VAV3: variants seen among roughly 807,000 people sequenced by gnomAD.
The protein encoded by VAV3 is vav guanine nucleotide exchange factor 3, also known as guanine nucleotide exchange factor VAV3.
In VAV3, 94 loss-of-function variants were observed where a neutral mutation model predicts 131.2. The ratio of observed to expected loss-of-function variants is 0.72; its 90% CI spans 0.61 to 0.85. VAV3 has a LOEUF of 0.85. VAV3 is among the 40% of genes least tolerant of loss of function. The pLI is 0.00. For synonymous variants in VAV3, 349 were observed against 342.0 expected, an observed-to-expected ratio of 1.02 and a Z score of -0.22; for missense variants, 939 against 1,002.7, an observed-to-expected ratio of 0.94 and a Z score of 0.86.
At chr1:107,925,355 T>C (rs1367913106) in intron 1 of VAV3, among the ~76,000 whole-genome samples, 3 of 152,194 alleles carry the variant, frequency 2.0e-5, no homozygotes, top group African/African-American at 7.2e-5. Flanking sequence ...TACACTTTAA[T>C]TTAAAAGTTG....
intron 2 of VAV3, among the ~76,000 whole-genome samples, chr1:107,841,617 G>C (rs906295479): frequency 1.1e-4 from 16 of 152,102 alleles, no homozygotes; most frequent in Admixed American, 1.0e-3. Context: ...GCATTAGATA[G>C]GGCACACTTT....
intron 2 of VAV3, among the ~76,000 whole-genome samples, chr1:107,815,145 G>A (rs1667512119): frequency 6.6e-6 from 1 of 152,174 alleles, no homozygotes; most frequent in Non-Finnish European, 1.5e-5. Flanking sequence ...CTGTGTATCT[G>A]AATCACCTTC....
In VAV3 at chr1:107,734,321, G is replaced by A. The variant is rs576558417; in HGVS notation, c.1502+14647C>T. ...CACCAACTAACGGGCAAAATAACCAGCTAACCTCATAATGACAGATCAAAT... is the reference window on the plus strand; with the variant it reads ...CACCAACTAACGGGCAAAATAACCAACTAACCTCATAATGACAGATCAAAT... On this transcript the variant is annotated intron_variant, in intron 15 of 26. Transcript: ENST00000370056. Among the ~76,000 whole-genome samples, 228 of 152,272 alleles carry A rather than the reference G, an allele frequency of 1.5e-3. 1 individual carries two copies. The highest frequency in any genetic ancestry group is 2.4e-3 in the Admixed American group (36 of 15,286).
chr1:107,907,216 T>C (rs941129383), intron 1 of VAV3, among the ~76,000 whole-genome samples: 16 of 152,198 alleles, frequency 1.1e-4, no homozygotes, highest in African/African-American at 3.9e-4. Flanking sequence ...TAAATGGTCA[T>C]ATACAAAGTT....
At chr1:107,911,082 T>C (rs1471205398) in intron 1 of VAV3, among the ~76,000 whole-genome samples, 1 of 152,178 alleles carries the variant, frequency 6.6e-6, no homozygotes, top group Admixed American at 6.5e-5. Flanking sequence ...ACTCAATTGC[T>C]TATTATCCTA....
chr1:107,772,608 T>A (rs1336238011), intron 5 of VAV3, 127 bp downstream of exon 5: 2 of 715,780 alleles, frequency 2.8e-6, no homozygotes, highest in Non-Finnish European at 4.5e-6. Flanking sequence ...TAACAAGTCA[T>A]AATTATATAG....
chr1:107,702,500 G>A (rs973012334), intron 17 of VAV3, among the ~76,000 whole-genome samples: 1 of 152,038 alleles, frequency 6.6e-6, no homozygotes, highest in African/African-American at 2.4e-5. Flanking sequence ...AACAGACCAA[G>A]ACTCCAGAGC....
At chr1:107,669,669 G>A (rs1310877432) in intron 19 of VAV3, among the ~76,000 whole-genome samples, 2 of 152,046 alleles carry the variant, frequency 1.3e-5, no homozygotes, top group Non-Finnish European at 2.9e-5. Flanking sequence ...TTTCCAGCAT[G>A]AGGTTTACAT....
chr1:107,910,051 A>T (rs916972380), intron 1 of VAV3, among the ~76,000 whole-genome samples: 1 of 152,220 alleles, frequency 6.6e-6, no homozygotes, highest in Non-Finnish European at 1.5e-5. Context: ...ACACTGCATG[A>T]ATTCTTCATT....
chr1:107,601,214 C>G (rs1228777532), intron 24 of VAV3, among the ~76,000 whole-genome samples: 2 of 152,152 alleles, frequency 1.3e-5, no homozygotes, highest in Non-Finnish European at 2.9e-5. Context: ...AGGGAGGATG[C>G]CTGGATCTTG....
At chr1:107,802,883 GT>G (rs200786279) in intron 2 of VAV3, among the ~76,000 whole-genome samples, 38 of 142,360 alleles carry the variant, frequency 2.7e-4, no homozygotes, top group Admixed American at 5.6e-4. Flanking sequence ...TTCCTCTTCA[GT>G]TTTTTTTTTT....
chr1:107,752,285 A>T (rs1182985122), intron 12 of VAV3, among the ~76,000 whole-genome samples: 9 of 152,210 alleles, frequency 5.9e-5, no homozygotes, highest in Admixed American at 5.9e-4. Flanking sequence ...GGATATCCAC[A>T]TGTAAAAGAA....
At chr1:107,726,872 T>C (rs1338938935) in intron 15 of VAV3, among the ~76,000 whole-genome samples, 1 of 152,218 alleles carries the variant, frequency 6.6e-6, no homozygotes, top group East Asian at 1.9e-4. Context: ...ATCACCTTAA[T>C]CTTCCCAAAG....
intron 15 of VAV3, among the ~76,000 whole-genome samples, chr1:107,726,348 C>T (rs1287386373): frequency 2.0e-5 from 3 of 152,178 alleles, no homozygotes; most frequent in Admixed American, 6.5e-5. Flanking sequence ...ACAGGAATTC[C>T]GCCAGAAAGT....
chr1:107,849,939 A>C (rs1224358080), intron 2 of VAV3, among the ~76,000 whole-genome samples: 2 of 152,242 alleles, frequency 1.3e-5, no homozygotes, highest in African/African-American at 4.8e-5. Flanking sequence ...TCTCAAAAGA[A>C]GACATTTATG....
intron 2 of VAV3, among the ~76,000 whole-genome samples, chr1:107,843,131 C>T (rs941897398): frequency 2.6e-5 from 4 of 151,886 alleles, no homozygotes; most frequent in Non-Finnish European, 4.4e-5. Context: ...TCAAATTCTC[C>T]ACATTATGCT....
intron 15 of VAV3, among the ~76,000 whole-genome samples, chr1:107,737,267 G>C (rs1454692038): frequency 1.3e-5 from 2 of 152,110 alleles, no homozygotes; most frequent in Non-Finnish European, 2.9e-5. Context: ...AGAAAACCTA[G>C]GCAATACCAT....
chr1:107,790,271 C>CTGTT (rs1363733952), intron 2 of VAV3, among the ~76,000 whole-genome samples: 1 of 152,226 alleles, frequency 6.6e-6, no homozygotes, highest in Non-Finnish European at 1.5e-5. Context: ...CACACATCAA[C>CTGTT]TGTTTGATTA....
chr1:107,631,846 A>C (rs1314548358), intron 20 of VAV3, among the ~76,000 whole-genome samples: 1 of 151,982 alleles, frequency 6.6e-6, no homozygotes, highest in Non-Finnish European at 1.5e-5. Flanking sequence ...CATGGTGTAT[A>C]TCTGCCACAT....
Sources: gnomAD v4.1 joint callset for allele counts (sites outside exome capture counted in the v4.1 genomes callset) on GRCh38, gnomAD v4.1.1 for gene constraint, MANE v1.5 for transcripts, NCBI Gene and HGNC (gene_info 2026-07-23, HGNC 2026-07-21) for gene names.